The following SMARCD3 variants were observed in gnomAD, a reference collection of about 807,000 sequenced individuals.
SMARCD3 encodes the protein SWI/SNF-related matrix-associated actin-dependent regulator of chromatin subfamily D member 3.
In SMARCD3, 14 loss-of-function variants were observed where a neutral mutation model predicts 58.0. The observed-to-expected ratio is 0.24, with a 90% CI of 0.16 to 0.38. The LOEUF is 0.38. SMARCD3 is among the 10% of genes least tolerant of loss of function. SMARCD3 has a pLI of 1.00. For missense variants in SMARCD3, 408 were observed against 636.9 expected, an observed-to-expected ratio of 0.64 and a Z score of 3.87; for synonymous variants, 253 against 253.8, an observed-to-expected ratio of 1.00 and a Z score of 0.03.
Position 151,246,130 on chromosome 7 carries a change from G to A in SMARCD3, c.79-459C>T, listed in dbSNP as rs1303070937. 1 of 152,302 alleles carries A rather than the reference G, an allele frequency of 6.6e-6. No individual in the cohort carries two copies. The highest frequency in any genetic ancestry group is 6.5e-5 in the Admixed American group (1 of 15,276). The allele number at this position is 152,302 out of a possible 1,614,324, so 9.4% of individuals were successfully genotyped here. On this transcript the variant is annotated intron_variant, in intron 1 of 12. Coordinates refer to ENST00000262188, the MANE Select transcript of SMARCD3 (RefSeq NM_001003801.2). The surrounding 1 kb of genome is among the most constrained non-coding windows in gnomAD (Gnocchi z 4.4). ...CATCCTGGCCCAGGCAGCCCCTGAA[G>A]GGCTGCCTCCTGGGGGCCCAGGGCT...
Position 151,242,933 on chromosome 7 carries a change from A to C in SMARCD3, c.334-90T>G. The C allele has an allele frequency of 6.6e-7, 1 of 1,508,904 alleles. No individual in the cohort carries two copies. Among genetic ancestry groups the C allele is most frequent in the Non-Finnish European group, 9.0e-7 (1 of 1,116,092 alleles). 93.5% of individuals were successfully genotyped at this position (1,508,904 alleles called of 1,614,324 possible). A position where few individuals can be genotyped will look rare whatever the true frequency, so the allele number is the denominator to read the frequency against. On this transcript the variant is annotated intron_variant, in intron 3 of 12. Coordinates refer to ENST00000262188, the MANE Select transcript of SMARCD3 (RefSeq NM_001003801.2). This position sits in a 1 kb window ranked among gnomAD's most constrained non-coding sequence, Gnocchi z 4.7. ...GCATGTTGTGCAATCCTAGGGTACA[A>C]AAGATGTCAGGGGAGCCATCCTACT...
chr7:151,260,959 C>T (rs1803898421), intron 2 of SMARCD3, among the ~76,000 whole-genome samples: 1 of 152,224 alleles, frequency 6.6e-6, no homozygotes, highest in African/African-American at 2.4e-5. Flanking sequence ...CCCCACACAG[C>T]ACACTAGTAA....
At chr7:151,253,382 C>T (rs2150603120), upstream of SMARCD3, among the ~76,000 whole-genome samples, 1 of 152,308 alleles carries the variant, frequency 6.6e-6, no homozygotes, top group East Asian at 1.9e-4. Context: ...CTCACCCCTA[C>T]ACCTTCAGCA....
At position 151,266,026 on chromosome 7, in the gene SMARCD3, G is replaced by A. The variant is rs748440217; in HGVS notation, c.39+9088C>T. ...ACTCTGTTGCCCAGGCTGGAGTGCA[G>A]TGGCGTGATCTCGGCTCACGGCAAT... On this transcript the variant is annotated intron_variant, in intron 2 of 13. Transcript: ENST00000356800. 9.9e-5 allele frequency among the ~76,000 whole-genome samples: 15 copies of A among 152,134 alleles called. 1 individual carries two copies. Among genetic ancestry groups the A allele is most frequent in the African/African-American group, 3.4e-4 (14 of 41,404 alleles).
chr7:151,249,895 C>A (rs532653372), upstream of SMARCD3, among the ~76,000 whole-genome samples: 1 of 152,054 alleles, frequency 6.6e-6, no homozygotes, highest in African/African-American at 2.4e-5. This position sits in a 1 kb window ranked among gnomAD's most constrained non-coding sequence, Gnocchi z 4.8. Flanking sequence ...TGGGCCTACC[C>A]AGGTCCCCAA....
chr7:151,242,246 A>C lies in SMARCD3; in HGVS notation c.580-14T>G, dbSNP rs1584866847. The C allele has an allele frequency of 6.2e-7, 1 of 1,606,482 alleles. No homozygotes were observed. Among genetic ancestry groups the C allele is most frequent in the Non-Finnish European group, 8.5e-7 (1 of 1,173,052 alleles). On this transcript the variant is annotated splice_polypyrimidine_tract_variant and intron_variant, in intron 5 of 12. Coordinates refer to ENST00000262188, the MANE Select transcript of SMARCD3 (RefSeq NM_001003801.2). The surrounding 1 kb of genome is among the most constrained non-coding windows in gnomAD (Gnocchi z 4.7). ...CTGTTTGCTGGGCTGTGGGAGAGCA[A>C]CAGGGACCATGGGGGCAGAACAGGG...
rs1050109 is a variant in SMARCD3, at chr7:151,240,220, C to T, written c.1065G>A (p.Thr355=). 119 of 1,614,108 alleles carry T rather than the reference C, an allele frequency of 7.4e-5. No homozygotes were observed. The highest frequency in any genetic ancestry group is 9.2e-5 in the Non-Finnish European group (108 of 1,180,022). The part of the protein sequence containing the change: ...ISVDPSDQKK[T]ACYDIDVEVE... ...CCTCCACGTCAATGTCATAGCACGC[C>T]GTCTTCTTCTGGTCTGAAGGGTCCA... Residue 355 remains threonine, a synonymous_variant, in exon 10 of 13, where the codon ACG becomes ACA. Transcript: ENST00000262188.
rs535579341 is a variant in SMARCD3, at chr7:151,275,903, G to C, written c.-99-652C>G. ...GAAGAGAGCAGTGCTGTAGGAGCGGGGTGTGGGTGACAGAGGTGGGGCTTG... is the reference window on the plus strand; with the variant it reads ...GAAGAGAGCAGTGCTGTAGGAGCGGCGTGTGGGTGACAGAGGTGGGGCTTG... On this transcript the variant is annotated intron_variant, in intron 1 of 13. Coordinates refer to the SMARCD3 transcript ENST00000356800. Among the ~76,000 whole-genome samples, 7 of 152,262 alleles carry C rather than the reference G, an allele frequency of 4.6e-5. No homozygotes were observed. In the East Asian group the frequency reaches 1.2e-3, roughly 25 times the overall value.
rs770704535 is a variant in SMARCD3, at chr7:151,275,123, G to A, written c.30C>T (p.Thr10=). Residue 10 remains threonine, a synonymous_variant, in exon 2 of 14, where the codon ACC becomes ACT. Transcript: ENST00000356800. The stretch of plus-strand genomic sequence containing the variant: ...GGGAGGAAGCACCTACCTGTACCAC[G>A]GTGGGTGGGTGCTGAAGACCTGGAG... 23 of 1,611,898 alleles carry A rather than the reference G, an allele frequency of 1.4e-5. No individual in the cohort carries two copies. In the East Asian group the frequency reaches 2.2e-4, roughly 16 times the overall value.
Position 151,246,203 on chromosome 7 carries a change from G to A in SMARCD3, c.79-532C>T, listed in dbSNP as rs1803256012. 6.5e-6 allele frequency: 1 copy of A among 153,146 alleles called. No individual in the cohort carries two copies. The highest frequency in any genetic ancestry group is 1.5e-5 in the Non-Finnish European group (1 of 68,786). 9.5% of individuals were successfully genotyped at this position (153,146 alleles called of 1,614,324 possible). ...GGTCCGGTACCCGGCTCCCTGCTCC[G>A]ACTTCTGCTCCTCCTCCTGCTCCTC... is the stretch of plus-strand genomic sequence containing the variant. On this transcript the variant is annotated intron_variant, in intron 1 of 12. Coordinates refer to ENST00000262188, the MANE Select transcript of SMARCD3 (RefSeq NM_001003801.2). The surrounding 1 kb of genome is among the most constrained non-coding windows in gnomAD (Gnocchi z 4.4).
chr7:151,259,565 G>A (rs765710554), intron 2 of SMARCD3, among the ~76,000 whole-genome samples: 16 of 145,546 alleles, frequency 1.1e-4, no homozygotes, highest in African/African-American at 2.8e-4. Flanking sequence ...TCTTCAGCAC[G>A]GATTTCCAAA....
chr7:151,274,002 C>G, intron 2 of SMARCD3, among the ~76,000 whole-genome samples: 1 of 152,272 alleles, frequency 6.6e-6, no homozygotes, highest in Admixed American at 6.5e-5. Flanking sequence ...CACTTTCATT[C>G]TGCCCACAGC....
chr7:151,247,192 G>T (rs1474455395), intron 1 of SMARCD3, among the ~76,000 whole-genome samples: 1 of 152,128 alleles, frequency 6.6e-6, no homozygotes, highest in African/African-American at 2.4e-5. Flanking sequence ...GGGCACTGGG[G>T]CTCACAGCCA....
intron 2 of SMARCD3, among the ~76,000 whole-genome samples, chr7:151,258,111 A>T (rs1482893218): frequency 6.6e-6 from 1 of 151,660 alleles, no homozygotes; most frequent in Non-Finnish European, 1.5e-5. Context: ...CACACCCTAC[A>T]TCCACTCTGA....
Position 151,241,211 on chromosome 7 carries a change from G to A in SMARCD3, c.939+281C>T. On this transcript the variant is annotated intron_variant, in intron 8 of 12. Coordinates refer to ENST00000262188, the MANE Select transcript of SMARCD3 (RefSeq NM_001003801.2). The surrounding 1 kb of genome is among the most constrained non-coding windows in gnomAD (Gnocchi z 5.3). ...GAACCTGGGGATCCTAACTCCAAGT[G>A]CCAAGAATATTACATTCCAGAAAGC... 2.2e-6 allele frequency: 1 copy of A among 454,238 alleles called. No homozygotes were observed. Among genetic ancestry groups the A allele is most frequent in the Non-Finnish European group, 4.1e-6 (1 of 244,188 alleles). 28.1% of individuals were successfully genotyped at this position (454,238 alleles called of 1,614,324 possible).
At position 151,238,955 on chromosome 7, in the gene SMARCD3, C is replaced by T; in HGVS notation, c.*148G>A. The T allele has an allele frequency of 9.2e-7, 1 of 1,085,002 alleles. No individual in the cohort carries two copies. Among genetic ancestry groups the T allele is most frequent in the Non-Finnish European group, 1.4e-6 (1 of 721,830 alleles). 67.2% of individuals were successfully genotyped at this position (1,085,002 alleles called of 1,614,324 possible). ...CTCTCCCCCTCCCCTCCCCAGTTTC[C>T]AATGACCACACGGCTGCTGTCAGAT... On this transcript the variant is annotated 3_prime_UTR_variant, in exon 13 of 13. Coordinates refer to ENST00000262188, the MANE Select transcript of SMARCD3 (RefSeq NM_001003801.2).
At position 151,258,434 on chromosome 7, in the gene SMARCD3, A is replaced by G. The variant is rs559218199; in HGVS notation, c.40-12763T>C. ...ACAAAAATTAGCCGGGTGTGGTGGC[A>G]TGCAACTGTAATCCCAGCTACTTGG... On this transcript the variant is annotated intron_variant, in intron 2 of 13. Coordinates refer to the SMARCD3 transcript ENST00000356800. 3.7e-4 allele frequency among the ~76,000 whole-genome samples: 56 copies of G among 151,902 alleles called. 1 individual carries two copies. Among genetic ancestry groups the G allele is most frequent in the East Asian group, 3.5e-3 (18 of 5,172 alleles).
chr7:151,239,872 T>C lies in SMARCD3; in HGVS notation c.1174-126A>G. 1 of 1,078,722 alleles carries C rather than the reference T, an allele frequency of 9.3e-7. No homozygotes were observed. Among genetic ancestry groups the C allele is most frequent in the Admixed American group, 2.2e-5 (1 of 44,918 alleles). 66.8% of individuals were successfully genotyped at this position (1,078,722 alleles called of 1,614,324 possible). A position where few individuals can be genotyped will look rare whatever the true frequency, so the allele number is the denominator to read the frequency against. ...GTGAAGGACAACCCCTCAGAGCCCC[T>C]GATTTCTCTGAAGTCCCAGGGGAGG... is the stretch of plus-strand genomic sequence containing the variant. On this transcript the variant is annotated intron_variant, in intron 10 of 12. Coordinates refer to ENST00000262188, the MANE Select transcript of SMARCD3 (RefSeq NM_001003801.2). This position sits in a 1 kb window ranked among gnomAD's most constrained non-coding sequence, Gnocchi z 7.0.
intron 2 of SMARCD3, among the ~76,000 whole-genome samples, chr7:151,257,970 A>C (rs1402582337): frequency 1.3e-5 from 2 of 152,124 alleles, no homozygotes; most frequent in Admixed American, 1.3e-4. Flanking sequence ...TTCAGTGGAC[A>C]GCTCAAACAT....
Sources: allele counts gnomAD v4.1 joint callset (sites outside exome capture counted in the v4.1 genomes callset), GRCh38; gene constraint gnomAD v4.1.1; non-coding constraint Gnocchi (gnomAD v3.1); transcripts MANE v1.5; gene names NCBI Gene and HGNC (gene_info 2026-07-23, HGNC 2026-07-21).